The following ATP2B2 variants were observed in gnomAD, a reference collection of about 807,000 sequenced individuals.
ATP2B2 encodes the protein plasma membrane calcium-transporting ATPase 2.
In ATP2B2, 15 loss-of-function variants were observed where a neutral mutation model predicts 120.0. The ratio of observed to expected loss-of-function variants is 0.12; its 90% CI spans 0.08 to 0.19. ATP2B2 has a LOEUF of 0.19. Ranked by LOEUF, ATP2B2 falls within the 10% of genes least tolerant of loss-of-function variation. ATP2B2 has a pLI of 1.00. For missense variants in ATP2B2, 1,045 were observed against 1,719.8 expected (o/e 0.61, Z 6.94); for synonymous variants, 694 against 700.3 (o/e 0.99, Z 0.14).
chr3:10,588,396 AGCAGTGGGCACT>A (rs2068564576), intron 2 of ATP2B2, among the ~76,000 whole-genome samples: 2 of 152,234 alleles, frequency 1.3e-5, no homozygotes, highest in South Asian at 4.1e-4. Context: ...TTGAGTGCCC[AGCAGTGGGCACT>A]CACCAATATT....
At chr3:10,423,635 A>AG (rs2063060144) in intron 2 of ATP2B2, among the ~76,000 whole-genome samples, 1 of 152,070 alleles carries the variant, frequency 6.6e-6, no homozygotes, top group South Asian at 2.1e-4. Context: ...CCTTCTGGGG[A>AG]GGGGCCTCCA....
intron 1 of ATP2B2, among the ~76,000 whole-genome samples, chr3:10,485,589 A>G (rs762196829): frequency 6.6e-6 from 1 of 152,230 alleles, no homozygotes; most frequent in Non-Finnish European, 1.5e-5. Flanking sequence ...ATCAGAGCAA[A>G]GACACCAAAT....
In ATP2B2 at chr3:10,606,872, G is replaced by A. The variant is rs377151107; in HGVS notation, c.-415+13045C>T. ...GCACAGTAAACGTAAGTGTAATGACGGAGTCTAAACACACACACACACACA... is the reference window on the plus strand; with the variant it reads ...GCACAGTAAACGTAAGTGTAATGACAGAGTCTAAACACACACACACACACA... On this transcript the variant is annotated intron_variant, in intron 2 of 21. Transcript: ENST00000646379. Among the ~76,000 whole-genome samples the A allele has an allele frequency of 1.3e-4, 16 of 122,174 alleles. No homozygotes were observed. In the East Asian group the frequency reaches 2.6e-3, roughly 20 times the overall value. The allele number at this position is 122,174 out of a possible 152,430, so 80.2% of individuals were successfully genotyped here. A position where few individuals can be genotyped will look rare whatever the true frequency, so the allele number is the denominator to read the frequency against.
At chr3:10,542,930 C>T (rs557733674) in intron 2 of ATP2B2, among the ~76,000 whole-genome samples, 11 of 152,176 alleles carry the variant, frequency 7.2e-5, no homozygotes, top group Non-Finnish European at 1.5e-4. Context: ...CTTTTTCAGC[C>T]CCATCCTCTT....
At position 10,326,903 on chromosome 3, in the gene ATP2B2, G is replaced by A. The variant is rs901912367; in HGVS notation, c.*1911C>T. Reference sequence around the variant, plus strand: ...GTTTGTGGAAGAGTTCTCTGGGCCTGGAGAAGGGAAGGGGCTGGGCTGACA... The same window carrying A: ...GTTTGTGGAAGAGTTCTCTGGGCCTAGAGAAGGGAAGGGGCTGGGCTGACA... On this transcript the variant is annotated 3_prime_UTR_variant, in exon 23 of 23. Transcript: ENST00000360273. 4 of 398,806 alleles carry A rather than the reference G, an allele frequency of 1.0e-5. No individual in the cohort carries two copies. In the Admixed American group the frequency reaches 1.3e-4, roughly 13 times the overall value. The allele number at this position is 398,806 out of a possible 1,614,324, so 24.7% of individuals were successfully genotyped here. A position where few individuals can be genotyped will look rare whatever the true frequency, so the allele number is the denominator to read the frequency against.
At chr3:10,424,187 T>C (rs2063077470) in intron 2 of ATP2B2, among the ~76,000 whole-genome samples, 1 of 152,200 alleles carries the variant, frequency 6.6e-6, no homozygotes, top group African/African-American at 2.4e-5. Context: ...CTCCTGGCCA[T>C]TCTGTAAGAT....
At chr3:10,545,080 C>A (rs1313958954) in intron 2 of ATP2B2, among the ~76,000 whole-genome samples, 1 of 152,146 alleles carries the variant, frequency 6.6e-6, no homozygotes, top group African/African-American at 2.4e-5. Flanking sequence ...CTGCAGGAAC[C>A]ACAGGGAGGA....
chr3:10,609,629 G>T (rs1035030328), intron 2 of ATP2B2, among the ~76,000 whole-genome samples: 3 of 152,188 alleles, frequency 2.0e-5, no homozygotes, highest in African/African-American at 7.2e-5. Context: ...GGAGGTCCAG[G>T]TAACTGAGGG....
chr3:10,457,267 G>A (rs866440437), intron 1 of ATP2B2, among the ~76,000 whole-genome samples: 1 of 152,038 alleles, frequency 6.6e-6, no homozygotes, highest in Non-Finnish European at 1.5e-5. Context: ...TGCAGGGTTA[G>A]TGTGAGTATG....
intron 2 of ATP2B2, among the ~76,000 whole-genome samples, chr3:10,446,474 G>C (rs1441063380): frequency 6.6e-6 from 1 of 152,174 alleles, no homozygotes; most frequent in Middle Eastern, 3.2e-3. Context: ...AGCCCTGTGA[G>C]GTAGTCACTA....
rs563802460 is a variant in ATP2B2 at position 10,343,874 on chromosome 3, C to T, written c.2704-909G>A. ...GTGTTCCTGCCTCAGCCCCATTCTC[C>T]TCCTCGTCCTGTGGCTTTAGTTACA... On this transcript the variant is annotated intron_variant, in intron 18 of 22. Coordinates refer to ENST00000360273, the MANE Select transcript of ATP2B2 (RefSeq NM_001001331.4). This position sits in a 1 kb window ranked among gnomAD's most constrained non-coding sequence, Gnocchi z 4.2. 6.6e-6 allele frequency among the ~76,000 whole-genome samples: 1 copy of T among 152,250 alleles called. No individual in the cohort carries two copies. Among genetic ancestry groups the T allele is most frequent in the African/African-American group, 2.4e-5 (1 of 41,528 alleles).
At position 10,665,355 on chromosome 3, in the gene ATP2B2, T is replaced by C. The variant is rs571974061; in HGVS notation, c.-460+42560A>G. Among the ~76,000 whole-genome samples, 9 of 152,290 alleles carry C rather than the reference T, an allele frequency of 5.9e-5. No homozygotes were observed. The South Asian group carries it at 1.9e-3, about 32-fold the overall frequency. ...TCATCCTTCAGACCTCCATTCAGTGTCACTTCTTGGGGAAGCCTTTCCTGA... is the reference window on the plus strand; with the variant it reads ...TCATCCTTCAGACCTCCATTCAGTGCCACTTCTTGGGGAAGCCTTTCCTGA... On this transcript the variant is annotated intron_variant, in intron 1 of 21. Transcript: ENST00000646379.
chr3:10,489,638 A>G (rs191633428), intron 1 of ATP2B2, among the ~76,000 whole-genome samples: 1 of 151,826 alleles, frequency 6.6e-6, no homozygotes, highest in South Asian at 2.1e-4. Flanking sequence ...GTGACTCACC[A>G]TGCCTCCCCT....
chr3:10,403,930 G>A (rs1300190892), intron 3 of ATP2B2, among the ~76,000 whole-genome samples: 1 of 152,238 alleles, frequency 6.6e-6, no homozygotes, highest in Non-Finnish European at 1.5e-5. Flanking sequence ...ATTCATGGCT[G>A]AGCATCTGGA....
At chr3:10,428,429 C>T (rs1022155211) in intron 2 of ATP2B2, among the ~76,000 whole-genome samples, 7 of 152,154 alleles carry the variant, frequency 4.6e-5, no homozygotes, top group African/African-American at 1.7e-4. Flanking sequence ...ATTTCATCCC[C>T]GTCCTGTGAG....
At chr3:10,669,226 G>A (rs572876796) in intron 1 of ATP2B2, among the ~76,000 whole-genome samples, 2 of 152,290 alleles carry the variant, frequency 1.3e-5, no homozygotes, top group African/African-American at 2.4e-5. Context: ...CATGAATGGC[G>A]TCTTGAACCC....
At chr3:10,601,984 T>G (rs770879672) in intron 2 of ATP2B2, among the ~76,000 whole-genome samples, 17 of 152,212 alleles carry the variant, frequency 1.1e-4, no homozygotes, top group Admixed American at 2.0e-4. Flanking sequence ...TGCCTAACCC[T>G]GAACGTGACC....
chr3:10,365,518 C>T (rs1036808525), intron 12 of ATP2B2, among the ~76,000 whole-genome samples: 1 of 152,058 alleles, frequency 6.6e-6, no homozygotes, highest in Admixed American at 6.5e-5. Flanking sequence ...CGACAGAAGC[C>T]CCCTGGAATG....
At chr3:10,415,700 G>C (rs1015522205) in intron 2 of ATP2B2, among the ~76,000 whole-genome samples, 3 of 152,198 alleles carry the variant, frequency 2.0e-5, no homozygotes, top group African/African-American at 7.2e-5. Flanking sequence ...TGTGAGAGAT[G>C]AATGGCGTTC....
Sources: allele counts gnomAD v4.1 joint callset (sites outside exome capture counted in the v4.1 genomes callset), GRCh38; gene constraint gnomAD v4.1.1; non-coding constraint Gnocchi (gnomAD v3.1); transcripts MANE v1.5; gene names NCBI Gene and HGNC (gene_info 2026-07-23, HGNC 2026-07-21).